The following SORCS3 variants were observed in gnomAD, a reference collection of about 807,000 sequenced individuals.
SORCS3 encodes the protein sortilin related VPS10 domain containing receptor 3, also known as VPS10 domain-containing receptor SorCS3.
SORCS3 carries 57 observed loss-of-function variants against 146.3 expected under a neutral mutation model. That is an observed-to-expected ratio of 0.39 (90% CI 0.31 to 0.49). The LOEUF (loss-of-function observed/expected upper bound fraction) is 0.49. Ranked by LOEUF, SORCS3 falls within the 20% of genes least tolerant of loss-of-function variation. SORCS3 has a pLI of 0.92. For synonymous variants in SORCS3, 653 were observed against 618.5 expected, an observed-to-expected ratio of 1.06 and a Z score of -0.83; for missense variants, 1,341 against 1,575.5, an observed-to-expected ratio of 0.85 and a Z score of 2.52.
intron 4 of SORCS3, among the ~76,000 whole-genome samples, chr10:105,015,467 G>C (rs1048661933): frequency 6.6e-6 from 1 of 152,004 alleles, no homozygotes; most frequent in African/African-American, 2.4e-5. Flanking sequence ...CACATGGATG[G>C]ATCTTAGAAA....
intron 1 of SORCS3, among the ~76,000 whole-genome samples, chr10:104,757,646 A>G (rs532681359): frequency 6.6e-6 from 1 of 152,098 alleles, no homozygotes; most frequent in South Asian, 2.1e-4. Flanking sequence ...TTAGCTGGAT[A>G]TTGCCTTTTG....
chr10:105,060,352 G>A (rs1353174598), intron 5 of SORCS3, among the ~76,000 whole-genome samples: 2 of 152,084 alleles, frequency 1.3e-5, no homozygotes, highest in Non-Finnish European at 2.9e-5. Flanking sequence ...AGAGAGATTG[G>A]CCGATAAGCC....
At chr10:104,765,416 T>G (rs1589490760) in intron 1 of SORCS3, among the ~76,000 whole-genome samples, 3 of 152,352 alleles carry the variant, frequency 2.0e-5, no homozygotes. Context: ...GGGGAATTTC[T>G]GAGTCCCTGT....
chr10:104,904,646 AC>A (rs2018885114), intron 2 of SORCS3, among the ~76,000 whole-genome samples: 1 of 151,830 alleles, frequency 6.6e-6, no homozygotes, highest in Admixed American at 6.6e-5. Flanking sequence ...GGAAATGCTT[AC>A]AATATTATGT....
At chr10:104,989,444 G>A (rs2054981505) in intron 4 of SORCS3, among the ~76,000 whole-genome samples, 1 of 152,198 alleles carries the variant, frequency 6.6e-6, no homozygotes, top group South Asian at 2.1e-4. Context: ...TTTATGGCTG[G>A]AAATGGAGTG....
intron 3 of SORCS3, among the ~76,000 whole-genome samples, chr10:104,929,028 T>C (rs1246978136): frequency 6.6e-6 from 1 of 152,058 alleles, no homozygotes; most frequent in East Asian, 1.9e-4. Flanking sequence ...GTAGGAAAAG[T>C]AGTGGTCAGT....
intron 2 of SORCS3, among the ~76,000 whole-genome samples, chr10:104,872,685 A>G (rs2018531229): frequency 2.0e-5 from 3 of 152,026 alleles, no homozygotes; most frequent in Admixed American, 2.0e-4. Context: ...AAGTTCTTGC[A>G]ATGATATCTC....
At chr10:104,814,763 T>A (rs1176262039) in intron 1 of SORCS3, among the ~76,000 whole-genome samples, 1 of 152,252 alleles carries the variant, frequency 6.6e-6, no homozygotes, top group East Asian at 1.9e-4. Context: ...AGATACCACT[T>A]ATTAATTAAT....
rs1589621607 is a variant in SORCS3 at position 105,078,050 on chromosome 10, C to A, written c.1029-11725C>A. ...TCACAGGACGATCACATTTGTCAAGCAAATCACAGATGACTGTGTTTGACA... is the reference window on the plus strand; with the variant it reads ...TCACAGGACGATCACATTTGTCAAGAAAATCACAGATGACTGTGTTTGACA... On this transcript the variant is annotated intron_variant, in intron 5 of 26. Coordinates refer to ENST00000369701, the MANE Select transcript of SORCS3 (RefSeq NM_014978.3). Among the ~76,000 whole-genome samples the A allele has an allele frequency of 2.0e-5, 3 of 152,296 alleles. No individual in the cohort carries two copies. In the South Asian group the frequency reaches 6.2e-4, roughly 32 times the overall value.
Position 104,977,493 on chromosome 10 carries a change from G to A in SORCS3, c.954G>A (p.Lys318=). ...DWVLAYSLDQ[K]LYSSMDFGRR... ...TGCTGGCCTACAGTTTGGATCAAAA[G>A]GTGAATAAATACTATTTTCATTTAC... The change falls in exon 4 of 27, where the codon AAG becomes AAA. Residue 318 remains lysine, a splice_region_variant and synonymous_variant. Transcript: ENST00000369701. 6.2e-7 allele frequency: 1 copy of A among 1,600,286 alleles called. No individual in the cohort carries two copies. The highest frequency in any genetic ancestry group is 8.5e-7 in the Non-Finnish European group (1 of 1,175,048).
chr10:105,036,332 T>C (rs2055306625), intron 4 of SORCS3, among the ~76,000 whole-genome samples: 1 of 152,220 alleles, frequency 6.6e-6, no homozygotes, highest in Non-Finnish European at 1.5e-5. Flanking sequence ...AGCCTCACTG[T>C]GCTGCACTTA....
intron 1 of SORCS3, among the ~76,000 whole-genome samples, chr10:104,649,878 T>C (rs951884364): frequency 2.0e-5 from 3 of 152,164 alleles, no homozygotes; most frequent in Non-Finnish European, 4.4e-5. Context: ...AGAATTGGCA[T>C]CCATGATACA....
chr10:105,205,890 G>A (rs1251723091), intron 16 of SORCS3, among the ~76,000 whole-genome samples: 3 of 152,164 alleles, frequency 2.0e-5, no homozygotes, highest in Non-Finnish European at 2.9e-5. Context: ...ATTCACTCAG[G>A]ATAATATTAT....
intron 1 of SORCS3, among the ~76,000 whole-genome samples, chr10:104,785,019 GC>G (rs1225400270): frequency 9.2e-5 from 14 of 152,116 alleles, no homozygotes; most frequent in Admixed American, 9.2e-4. Flanking sequence ...CCCAGTAGGG[GC>G]GGCCGGGCAG....
chr10:105,196,468 G>A (rs1252290030), intron 14 of SORCS3, among the ~76,000 whole-genome samples: 2 of 152,156 alleles, frequency 1.3e-5, no homozygotes, highest in Non-Finnish European at 2.9e-5. Flanking sequence ...AGCTGAGTGT[G>A]GTGATGCATG....
At chr10:104,774,764 G>T (rs930373563) in intron 1 of SORCS3, among the ~76,000 whole-genome samples, 1 of 152,132 alleles carries the variant, frequency 6.6e-6, no homozygotes, top group Non-Finnish European at 1.5e-5. Context: ...AAAACTTGAC[G>T]TGCAAACTTG....
chr10:104,951,789 G>A (rs1047640613), intron 3 of SORCS3, among the ~76,000 whole-genome samples: 6 of 152,148 alleles, frequency 3.9e-5, no homozygotes, highest in Admixed American at 3.9e-4. Flanking sequence ...TTATAGAGAA[G>A]TCACATCCCA....
intron 1 of SORCS3, among the ~76,000 whole-genome samples, chr10:104,837,435 A>G (rs1697597794): frequency 1.3e-5 from 2 of 152,228 alleles, no homozygotes; most frequent in Admixed American, 1.3e-4. Context: ...GTATGTCTGT[A>G]TATAGCTTGT....
At chr10:105,113,487 A>G (rs376144749) in intron 7 of SORCS3, among the ~76,000 whole-genome samples, 4 of 152,200 alleles carry the variant, frequency 2.6e-5, no homozygotes, top group Non-Finnish European at 4.4e-5. Context: ...GGTTGCCCCT[A>G]TAAAGGAATG....
Sources: gnomAD v4.1 joint callset for allele counts (sites outside exome capture counted in the v4.1 genomes callset) on GRCh38, gnomAD v4.1.1 for gene constraint, MANE v1.5 for transcripts, NCBI Gene and HGNC (gene_info 2026-07-23, HGNC 2026-07-21) for gene names.